The following CYP27C1 variants were observed in gnomAD, a reference collection of about 807,000 sequenced individuals.
CYP27C1 encodes cytochrome P450 family 27 subfamily C member 1.
In CYP27C1, 29 loss-of-function variants were observed where a neutral mutation model predicts 40.6. That is an observed-to-expected ratio of 0.71 (90% confidence interval 0.53 to 0.97). The LOEUF (loss-of-function observed/expected upper bound fraction) is 0.97. Ranked by LOEUF, CYP27C1 falls within the 50% of genes least tolerant of loss-of-function variation. CYP27C1 has a pLI of 0.00. For synonymous variants in CYP27C1, 198 were observed against 186.8 expected (o/e 1.06, Z -0.49); for missense variants, 390 against 485.8 (o/e 0.80, Z 1.85).
At chr2:127,217,041 C>T (rs1387557463) in intron 1 of CYP27C1, among the ~76,000 whole-genome samples, 1 of 152,216 alleles carries the variant, frequency 6.6e-6, no homozygotes. Flanking sequence ...TAAAGGGGCC[C>T]ACTGAAGGAA....
intron 1 of CYP27C1, among the ~76,000 whole-genome samples, chr2:127,216,474 C>A (rs1683432553): frequency 6.6e-6 from 1 of 152,088 alleles, no homozygotes; most frequent in Non-Finnish European, 1.5e-5. Context: ...TACATGATTC[C>A]ACTTATGACA....
chr2:127,202,698 C>T (rs1264927632), intron 3 of CYP27C1, among the ~76,000 whole-genome samples: 1 of 152,016 alleles, frequency 6.6e-6, no homozygotes, highest in African/African-American at 2.4e-5. Context: ...GAAGTAGATG[C>T]CCTCTCAACT....
chr2:127,198,073 T>TC (rs1558928125), intron 5 of CYP27C1, among the ~76,000 whole-genome samples: 1 of 151,970 alleles, frequency 6.6e-6, no homozygotes, highest in South Asian at 2.1e-4. Context: ...GCCTGTGGGT[T>TC]CCCCCCAGGT....
At chr2:127,199,158 G>A (rs2104684074) in intron 5 of CYP27C1, among the ~76,000 whole-genome samples, 1 of 152,262 alleles carries the variant, frequency 6.6e-6, no homozygotes, top group East Asian at 1.9e-4. Flanking sequence ...GTGGTGGCGG[G>A]CGCCTGTAAT....
rs1410149985 is a variant in CYP27C1, at chr2:127,219,758, G to A, written c.282+231C>T. On this transcript the variant is annotated intron_variant, in intron 1 of 8. Transcript: ENST00000664447. This position sits in a 1 kb window ranked among gnomAD's most constrained non-coding sequence, Gnocchi z 8.7. ...CCCGGTTCCTGCCTCCTCCACCCCG[G>A]ATCGCCTTTCCGGCGTCCTCTCCCC... Among the ~76,000 whole-genome samples the A allele has an allele frequency of 6.7e-6, 1 of 148,718 alleles. No individual in the cohort carries two copies. The highest frequency in any genetic ancestry group is 2.5e-5 in the African/African-American group (1 of 40,114).
chr2:127,197,394 A>G (rs187667865), intron 5 of CYP27C1, among the ~76,000 whole-genome samples: 286 of 152,336 alleles, frequency 1.9e-3, no homozygotes, highest in African/African-American at 6.5e-3. Context: ...CAATAAAAAT[A>G]AAGCCTTGAG....
At chr2:127,216,087 G>A (rs918597190) in intron 1 of CYP27C1, among the ~76,000 whole-genome samples, 12 of 152,164 alleles carry the variant, frequency 7.9e-5, no homozygotes, top group African/African-American at 2.9e-4. Flanking sequence ...TTATGATAAT[G>A]GTGGGGATGT....
rs559551691 is a variant in CYP27C1 at position 127,196,155 on chromosome 2, C to T, written c.1048-654G>A. Reference sequence around the variant, plus strand: ...TCGGCTCACTGCAAGCTCTGCCTCCCGGGTTCATGCCATTCTCCTGCCTCA... The same window carrying T: ...TCGGCTCACTGCAAGCTCTGCCTCCTGGGTTCATGCCATTCTCCTGCCTCA... On this transcript the variant is annotated intron_variant, in intron 5 of 8. Coordinates refer to ENST00000664447, the MANE Select transcript of CYP27C1 (RefSeq NM_001367502.1). This position sits in a 1 kb window ranked among gnomAD's most constrained non-coding sequence, Gnocchi z 4.5. Among the ~76,000 whole-genome samples, 2 of 152,170 alleles carry T rather than the reference C, an allele frequency of 1.3e-5. No individual in the cohort carries two copies. The highest frequency in any genetic ancestry group is 4.8e-5 in the African/African-American group (2 of 41,526).
chr2:127,194,305 A>AT (rs1682853793), intron 6 of CYP27C1, among the ~76,000 whole-genome samples: 1 of 152,232 alleles, frequency 6.6e-6, no homozygotes, highest in Non-Finnish European at 1.5e-5. Context: ...ACAAATACCA[A>AT]TAAACCCCAC....
At chr2:127,194,810 A>C (rs533687170) in intron 6 of CYP27C1, among the ~76,000 whole-genome samples, 64 of 152,260 alleles carry the variant, frequency 4.2e-4, no homozygotes, top group Middle Eastern at 3.4e-3. Flanking sequence ...AAGCAGGGAC[A>C]ATATTCAATG....
chr2:127,219,171 C>T lies in CYP27C1; in HGVS notation c.282+818G>A, dbSNP rs1343856004. ...TAGAAATGAATACACACGGTCTCGG[C>T]CACCTAAGGACACCGAGCTCCGCAG... On this transcript the variant is annotated intron_variant, in intron 1 of 8. Coordinates refer to ENST00000664447, the MANE Select transcript of CYP27C1 (RefSeq NM_001367502.1). The surrounding 1 kb of genome is among the most constrained non-coding windows in gnomAD (Gnocchi z 8.7). 2.6e-5 allele frequency among the ~76,000 whole-genome samples: 4 copies of T among 152,136 alleles called. No individual in the cohort carries two copies. The highest frequency in any genetic ancestry group is 5.9e-5 in the Non-Finnish European group (4 of 67,992).
chr2:127,214,696 G>C (rs1332828714), intron 1 of CYP27C1, among the ~76,000 whole-genome samples: 1 of 151,104 alleles, frequency 6.6e-6, no homozygotes, highest in Non-Finnish European at 1.5e-5. Context: ...AGGAAACTTA[G>C]ATGGGTCAAT....
At chr2:127,216,529 G>A (rs79064215) in intron 1 of CYP27C1, among the ~76,000 whole-genome samples, 1,772 of 152,274 alleles carry the variant, frequency 0.012, 33 homozygotes, top group African/African-American at 0.041. Flanking sequence ...TAGCTTGGTG[G>A]TTGCTTAAAG....
chr2:127,205,599 G>A (rs1683208135), intron 2 of CYP27C1: 1 of 820,722 alleles, frequency 1.2e-6, no homozygotes, highest in Non-Finnish European at 1.5e-6. Flanking sequence ...TGTCTGCCTC[G>A]GTTATCACTG....
In CYP27C1 at chr2:127,185,552, C is replaced by G. The variant is rs531791034; in HGVS notation, c.*1719G>C. On this transcript the variant is annotated 3_prime_UTR_variant, in exon 9 of 9. Transcript: ENST00000664447. The surrounding 1 kb of genome is among the most constrained non-coding windows in gnomAD (Gnocchi z 4.9). ...CTACCTCAAAGTAATCAATCCAACA[C>G]TTGGCCAGTTAATATGACCTAATTT... 6.6e-5 allele frequency: 10 copies of G among 152,328 alleles called. No individual in the cohort carries two copies. The South Asian group carries it at 2.1e-3, about 32-fold the overall frequency. 9.4% of individuals were successfully genotyped at this position (152,328 alleles called of 1,614,324 possible).
At chr2:127,193,889 C>A in intron 6 of CYP27C1, 22 bp from the exon 7 acceptor site, 3 of 1,613,666 alleles carry the variant, frequency 1.9e-6, no homozygotes, top group Non-Finnish European at 2.5e-6. Flanking sequence ...CCAGCGGGGA[C>A]GGGAATGGCG....
chr2:127,198,641 G>C (rs1164132241), intron 5 of CYP27C1, among the ~76,000 whole-genome samples: 3 of 152,162 alleles, frequency 2.0e-5, no homozygotes, highest in Non-Finnish European at 4.4e-5. Flanking sequence ...AGCCACATTT[G>C]TACTGTAGCT....
At position 127,200,787 on chromosome 2, in the gene CYP27C1, C is replaced by T. The variant is rs1287317206; in HGVS notation, c.883+335G>A. Among the ~76,000 whole-genome samples, 3 of 151,948 alleles carry T rather than the reference C, an allele frequency of 2.0e-5. No homozygotes were observed. The highest frequency in any genetic ancestry group is 6.6e-5 in the Admixed American group (1 of 15,242). ...ACCAGCCTGGCCAACATGGTGAAAC[C>T]CCATCTCTACTAAAAATACAAAATA... On this transcript the variant is annotated intron_variant, in intron 4 of 8. Transcript: ENST00000664447. The surrounding 1 kb of genome is among the most constrained non-coding windows in gnomAD (Gnocchi z 4.2).
intron 1 of CYP27C1, among the ~76,000 whole-genome samples, chr2:127,206,735 C>T (rs1314353699): frequency 6.6e-6 from 1 of 152,174 alleles, no homozygotes; most frequent in African/African-American, 2.4e-5. Flanking sequence ...ATGGGCCCAA[C>T]AGCTCTACCC....
Sources: gnomAD v4.1 joint callset for allele counts (sites outside exome capture counted in the v4.1 genomes callset) on GRCh38, gnomAD v4.1.1 for gene constraint, Gnocchi (gnomAD v3.1) non-coding constraint, MANE v1.5 for transcripts, NCBI Gene and HGNC (gene_info 2026-07-23, HGNC 2026-07-21) for gene names.